Variants in SPIDR observed in about 807,000 individuals in gnomAD.
SPIDR encodes DNA repair-scaffolding protein.
SPIDR carries 93 observed loss-of-function variants against 104.6 expected under a neutral mutation model. That is an observed-to-expected ratio of 0.89 (90% CI 0.75 to 1.06). SPIDR has a LOEUF of 1.06. SPIDR is among the 50% of genes least tolerant of loss of function. The pLI, the probability that SPIDR is intolerant of heterozygous loss-of-function variation, is 0.00. For synonymous variants in SPIDR, 431 were observed against 416.9 expected, an observed-to-expected ratio of 1.03 and a Z score of -0.41; for missense variants, 1,154 against 1,111.2, an observed-to-expected ratio of 1.04 and a Z score of -0.55.
chr8:47,369,762 A>G (rs2057734688), intron 5 of SPIDR, among the ~76,000 whole-genome samples: 1 of 152,192 alleles, frequency 6.6e-6, no homozygotes, highest in Non-Finnish European at 1.5e-5. Flanking sequence ...TATATTTAAG[A>G]GCCTGATCAT....
intron 5 of SPIDR, among the ~76,000 whole-genome samples, chr8:47,299,972 C>T (rs373097716): frequency 2.6e-5 from 4 of 152,066 alleles, no homozygotes; most frequent in East Asian, 1.9e-4. Flanking sequence ...TCATAAAATG[C>T]GTTAGGGAGG....
chr8:47,454,803 C>T (rs1397904935), intron 8 of SPIDR, among the ~76,000 whole-genome samples: 1 of 151,986 alleles, frequency 6.6e-6, no homozygotes, highest in Non-Finnish European at 1.5e-5. Context: ...GAACTTGAGG[C>T]TACAGTGTGC....
At chr8:47,629,826 C>G (rs1317765629) in intron 10 of SPIDR, among the ~76,000 whole-genome samples, 1 of 152,240 alleles carries the variant, frequency 6.6e-6, no homozygotes, top group Non-Finnish European at 1.5e-5. Context: ...TTGCCAACCT[C>G]TAATCTATAT....
At chr8:47,564,308 A>C (rs1029592751) in intron 8 of SPIDR, among the ~76,000 whole-genome samples, 1 of 151,660 alleles carries the variant, frequency 6.6e-6, no homozygotes, top group Non-Finnish European at 1.5e-5. Context: ...CGATCTCTTG[A>C]CTTTGTGATC....
At chr8:47,614,204 G>A (rs906486499) in intron 10 of SPIDR, among the ~76,000 whole-genome samples, 16 of 151,920 alleles carry the variant, frequency 1.1e-4, no homozygotes, top group Admixed American at 3.9e-4. Context: ...ACATGATCTC[G>A]TTCCTTCTTT....
chr8:47,319,279 G>C (rs985237089), intron 5 of SPIDR, among the ~76,000 whole-genome samples: 2 of 152,096 alleles, frequency 1.3e-5, no homozygotes, highest in Non-Finnish European at 2.9e-5. Context: ...AACAAAAAAA[G>C]GCAGGGGTTT....
At chr8:47,272,137 T>G (rs1323614703) in intron 1 of SPIDR, among the ~76,000 whole-genome samples, 2 of 152,038 alleles carry the variant, frequency 1.3e-5, no homozygotes, top group African/African-American at 2.4e-5. Context: ...CCGGCTAGTT[T>G]TTGTATTTTT....
chr8:47,410,944 A>G (rs151064388), intron 7 of SPIDR, among the ~76,000 whole-genome samples: 2,325 of 152,316 alleles, frequency 0.015, 68 homozygotes, highest in African/African-American at 0.053. Context: ...TTTGCTGAGA[A>G]TAATGGCTTC....
At chr8:47,467,490 A>G (rs1177547471) in intron 8 of SPIDR, among the ~76,000 whole-genome samples, 2 of 152,304 alleles carry the variant, frequency 1.3e-5, no homozygotes, top group East Asian at 3.9e-4. Context: ...TGAGTCCGCA[A>G]CACATCAAAA....
chr8:47,346,417 T>A (rs190337119), intron 5 of SPIDR, among the ~76,000 whole-genome samples: 5 of 152,308 alleles, frequency 3.3e-5, no homozygotes, highest in African/African-American at 9.6e-5. Flanking sequence ...AGGATGTTGG[T>A]CTAAAACTCT....
chr8:47,410,820 C>T lies in SPIDR; in HGVS notation c.877+2859C>T, dbSNP rs538801994. 1.7e-4 allele frequency among the ~76,000 whole-genome samples: 26 copies of T among 152,272 alleles called. No individual in the cohort carries two copies. The East Asian group carries it at 4.1e-3, about 24-fold the overall frequency. ...GTTATCCCTCCCCGCTCCCCCAACC[C>T]CACAACAGGCCTCAGTGTGTGATGT... On this transcript the variant is annotated intron_variant, in intron 7 of 19. Transcript: ENST00000297423.
At chr8:47,565,992 ATTTT>A (rs768002878) in intron 8 of SPIDR, among the ~76,000 whole-genome samples, 270 of 14,688 alleles carry the variant, frequency 0.018, no homozygotes, top group African/African-American at 0.042. Flanking sequence ...ATATATATAT[ATTTT>A]TTTTTTTTTT....
chr8:47,647,655 G>GAGAGAGAGAGGGAGA (rs1299640663), intron 10 of SPIDR, among the ~76,000 whole-genome samples: 1 of 50,168 alleles, frequency 2.0e-5, no homozygotes, highest in Non-Finnish European at 4.0e-5. Flanking sequence ...AGAGAGAGAG[G>GAGAGAGAGAGGGAGA]GAGAGAGAGA....
intron 8 of SPIDR, among the ~76,000 whole-genome samples, chr8:47,533,448 CT>C (rs2086359863): frequency 6.6e-6 from 1 of 152,172 alleles, no homozygotes; most frequent in South Asian, 2.1e-4. Context: ...AACTAAAGAG[CT>C]TCTGCACAGC....
chr8:47,542,215 A>G (rs906553969), intron 8 of SPIDR, among the ~76,000 whole-genome samples: 1 of 150,832 alleles, frequency 6.6e-6, no homozygotes, highest in Non-Finnish European at 1.5e-5. Flanking sequence ...CATGTACACC[A>G]GAGATTAACT....
chr8:47,694,620 A>C (rs1251341355), intron 11 of SPIDR, among the ~76,000 whole-genome samples: 1 of 152,076 alleles, frequency 6.6e-6, no homozygotes, highest in African/African-American at 2.4e-5. Context: ...AAATTTTAAA[A>C]ATTAGCCAGG....
intron 11 of SPIDR, among the ~76,000 whole-genome samples, chr8:47,688,016 AGTGTGTG>A (rs2078053829): frequency 6.9e-6 from 1 of 145,676 alleles, no homozygotes; most frequent in African/African-American, 2.5e-5. Flanking sequence ...AAAAAAAAAA[AGTGTGTG>A]TGTGTGTGTG....
intron 8 of SPIDR, among the ~76,000 whole-genome samples, chr8:47,591,923 C>G (rs538675106): frequency 2.0e-5 from 3 of 152,156 alleles, no homozygotes; most frequent in Non-Finnish European, 4.4e-5. Context: ...AAACGTTTCA[C>G]AACAATCCAG....
chr8:47,420,991 A>G (rs1185546297), intron 7 of SPIDR, among the ~76,000 whole-genome samples: 1 of 152,238 alleles, frequency 6.6e-6, no homozygotes, highest in East Asian at 1.9e-4. Context: ...TGTTAGTCTG[A>G]TGGGCTTCAC....
Sources: allele counts gnomAD v4.1 joint callset (sites outside exome capture counted in the v4.1 genomes callset), GRCh38; gene constraint gnomAD v4.1.1; transcripts MANE v1.5; gene names NCBI Gene and HGNC (gene_info 2026-07-23, HGNC 2026-07-21).